Variants in YTHDF2 observed in about 807,000 individuals in gnomAD.
YTHDF2 encodes the protein YTH N6-methyladenosine RNA binding protein F2.
In YTHDF2, 2 loss-of-function variants were observed where a neutral mutation model predicts 50.4. The observed-to-expected ratio is 0.04, with a 90% CI of 0.02 to 0.12. YTHDF2 has a LOEUF of 0.12. Ranked by LOEUF, YTHDF2 falls within the 10% of genes least tolerant of loss-of-function variation. YTHDF2 has a pLI of 1.00. For synonymous variants in YTHDF2, 217 were observed against 255.6 expected (o/e 0.85, Z 1.44); for missense variants, 483 against 722.6 (o/e 0.67, Z 3.80).
intron 4 of YTHDF2, among the ~76,000 whole-genome samples, chr1:28,752,128 T>C (rs1020907654): frequency 2.6e-5 from 4 of 152,256 alleles, no homozygotes; most frequent in East Asian, 1.9e-4. Context: ...GCCAGCTGTT[T>C]AGCTTTCAAG....
intron 4 of YTHDF2, among the ~76,000 whole-genome samples, chr1:28,749,370 C>T (rs1317825877): frequency 6.6e-6 from 1 of 151,748 alleles, no homozygotes; most frequent in African/African-American, 2.4e-5. Flanking sequence ...TTAGTAGAGA[C>T]GGGTTTTCAC....
chr1:28,744,867 C>G (rs564921886), intron 4 of YTHDF2, among the ~76,000 whole-genome samples: 4 of 152,054 alleles, frequency 2.6e-5, no homozygotes, highest in African/African-American at 9.7e-5. Flanking sequence ...CTGGGTTTTG[C>G]CATGTTGCCC....
At chr1:28,761,106 AGTGTGTGTGTGT>A (rs137903917) in intron 4 of YTHDF2, among the ~76,000 whole-genome samples, 1 of 121,750 alleles carries the variant, frequency 8.2e-6, no homozygotes, top group African/African-American at 3.3e-5. Flanking sequence ...ATCGTGCATG[AGTGTGTGTGTGT>A]GTGTGTGTGT....
intron 4 of YTHDF2, among the ~76,000 whole-genome samples, chr1:28,756,343 A>G (rs1240329165): frequency 2.0e-5 from 3 of 152,222 alleles, no homozygotes; most frequent in African/African-American, 4.8e-5. Flanking sequence ...CTAGTTGGCA[A>G]TGCTAGAATC....
chr1:28,758,990 A>G (rs2088074753), intron 4 of YTHDF2, among the ~76,000 whole-genome samples: 1 of 152,228 alleles, frequency 6.6e-6, no homozygotes, highest in Non-Finnish European at 1.5e-5. Context: ...AATTTTATTT[A>G]ATAAGCTCCC....
chr1:28,764,552 C>T lies in YTHDF2; in HGVS notation c.1717-4377C>T, dbSNP rs183250912. On this transcript the variant is annotated intron_variant, in intron 4 of 4. Transcript: ENST00000373812. ...CCTCTCAAAGTGCTGGGATTACAGG[C>T]GTGAGCCATCGTGCCCGGCCCCAAT... Among the ~76,000 whole-genome samples the T allele has an allele frequency of 6.8e-4, 103 of 152,144 alleles. No individual in the cohort carries two copies. In the East Asian group the frequency reaches 0.019, roughly 28 times the overall value.
At chr1:28,745,537 C>T (rs914655232) in intron 4 of YTHDF2, among the ~76,000 whole-genome samples, 1 of 152,016 alleles carries the variant, frequency 6.6e-6, no homozygotes, top group South Asian at 2.1e-4. Flanking sequence ...ACCAGCTTGA[C>T]CAACATGGAG....
intron 4 of YTHDF2, among the ~76,000 whole-genome samples, chr1:28,751,110 A>AAAAAAAAAAAAAG (rs1553144757): frequency 4.8e-5 from 7 of 144,490 alleles, no homozygotes; most frequent in Admixed American, 6.9e-5. Flanking sequence ...AAAAAAAAAA[A>AAAAAAAAAAAAAG]GGCTGGGCGT....
intron 3 of YTHDF2, among the ~76,000 whole-genome samples, chr1:28,738,639 G>A (rs537306499): frequency 6.6e-6 from 1 of 152,120 alleles, no homozygotes; most frequent in Non-Finnish European, 1.5e-5. Flanking sequence ...TAGAGACGGG[G>A]TTTCATGTTG....
At chr1:28,763,027 A>G (rs956367503) in intron 4 of YTHDF2, among the ~76,000 whole-genome samples, 2 of 151,790 alleles carry the variant, frequency 1.3e-5, no homozygotes, top group African/African-American at 4.8e-5. Flanking sequence ...GGGTTTCACA[A>G]TGTTGGCCAG....
chr1:28,751,463 A>G (rs151274220), intron 4 of YTHDF2, among the ~76,000 whole-genome samples: 1 of 152,292 alleles, frequency 6.6e-6, no homozygotes, highest in Non-Finnish European at 1.5e-5. Flanking sequence ...CATTTTTTGT[A>G]AAATCCTAAG....
chr1:28,763,355 C>T (rs1034011676), intron 4 of YTHDF2, among the ~76,000 whole-genome samples: 3 of 151,796 alleles, frequency 2.0e-5, no homozygotes, highest in Non-Finnish European at 2.9e-5. Flanking sequence ...CTCGCTGCAA[C>T]CTCTGCCCCC....
intron 2 of YTHDF2, chr1:28,737,979 T>C (rs1011595077): frequency 1.2e-5 from 7 of 578,742 alleles, no homozygotes; most frequent in Non-Finnish European, 2.1e-5. Context: ...GATCACTCTC[T>C]GGAAGTACTC....
chr1:28,742,265 G>A (rs2087787942), intron 3 of YTHDF2, 138 bp from the exon 4 acceptor site: 3 of 1,117,348 alleles, frequency 2.7e-6, no homozygotes, highest in Non-Finnish European at 3.7e-6. Flanking sequence ...AAAGTGTAGG[G>A]ATTACAGGTG....
intron 3 of YTHDF2, chr1:28,740,394 C>T (rs1266534809): frequency 2.0e-5 from 3 of 152,130 alleles, no homozygotes; most frequent in East Asian, 3.8e-4. Flanking sequence ...ATTTTTCTTT[C>T]TCAGGTAAGC....
At chr1:28,749,179 C>CTTTTTTTTTTTTTTTTT (rs60729215) in intron 4 of YTHDF2, among the ~76,000 whole-genome samples, 1 of 107,426 alleles carries the variant, frequency 9.3e-6, no homozygotes, top group African/African-American at 3.7e-5. Flanking sequence ...TTCTTTCTTC[C>CTTTTTTTTTTTTTTTTT]TTTTTTTTTT....
At chr1:28,758,934 A>G (rs1447963490) in intron 4 of YTHDF2, among the ~76,000 whole-genome samples, 1 of 152,230 alleles carries the variant, frequency 6.6e-6, no homozygotes, top group East Asian at 1.9e-4. Flanking sequence ...AGTTTAAAAA[A>G]TACATTGATA....
chr1:28,759,583 TGAATA>T (rs899710639), intron 4 of YTHDF2, among the ~76,000 whole-genome samples: 1 of 152,234 alleles, frequency 6.6e-6, no homozygotes, highest in Non-Finnish European at 1.5e-5. Flanking sequence ...GTTACCGTAC[TGAATA>T]GTATAGGCAC....
chr1:28,743,887 G>A lies in YTHDF2; in HGVS notation c.1617G>A (p.Gln539=). Residue 539 remains glutamine (Q), a synonymous_variant, in exon 4 of 5, where the codon CAG becomes CAA. Coordinates refer to ENST00000373812, the MANE Select transcript of YTHDF2 (RefSeq NM_016258.3). The surrounding 1 kb of genome is among the most constrained non-coding windows in gnomAD (Gnocchi z 6.9). The part of the protein sequence containing the change: ...TQEVPLEKAK[Q]VLKIIASYKH... Reference sequence around the variant, plus strand: ...AAGTGCCTCTGGAAAAGGCTAAGCAGGTGTTGAAAATTATAGCCAGCTACA... The same window carrying A: ...AAGTGCCTCTGGAAAAGGCTAAGCAAGTGTTGAAAATTATAGCCAGCTACA... 1.2e-6 allele frequency: 2 copies of A among 1,610,798 alleles called. No individual in the cohort carries two copies. The highest frequency in any genetic ancestry group is 1.7e-6 in the Non-Finnish European group (2 of 1,178,944).
Sources: gnomAD v4.1 joint callset for allele counts (sites outside exome capture counted in the v4.1 genomes callset) on GRCh38, gnomAD v4.1.1 for gene constraint, Gnocchi (gnomAD v3.1) non-coding constraint, MANE v1.5 for transcripts, NCBI Gene and HGNC (gene_info 2026-07-23, HGNC 2026-07-21) for gene names.